Variants in TRIP11 observed in about 807,000 individuals in gnomAD.
The protein encoded by TRIP11 is thyroid hormone receptor interactor 11.
In TRIP11, 148 loss-of-function variants were observed where a neutral mutation model predicts 223.1. The observed-to-expected ratio is 0.66, with a 90% CI of 0.58 to 0.76. TRIP11 has a LOEUF of 0.76. Ranked by LOEUF, TRIP11 falls within the 30% of genes least tolerant of loss-of-function variation. The pLI is 0.00. For missense variants in TRIP11, 2,043 were observed against 2,222.0 expected (o/e 0.92, Z 1.62); for synonymous variants, 762 against 772.6 (o/e 0.99, Z 0.23).
rs149249223 is a variant in TRIP11 at position 91,984,914 on chromosome 14, A to G, written c.5260+3370T>C. 6.8e-3 allele frequency among the ~76,000 whole-genome samples: 1,031 copies of G among 152,322 alleles called. 11 individuals are homozygous for G. Among genetic ancestry groups the G allele is most frequent in the African/African-American group, 0.023 (966 of 41,562 alleles). The stretch of plus-strand genomic sequence containing the variant: ...AAGAACACTTTCAGGTAAAATGCTG[A>G]AAGAATAATTTTTTAAAAGGAAGGA... On this transcript the variant is annotated intron_variant, in intron 16 of 20. Transcript: ENST00000267622.
rs558545254 is a variant in TRIP11, at chr14:91,988,471, C to T, written c.5161-88G>A. ...AGAGACATCTTAGAGTCAACCTCTA[C>T]ATTTCAGCTGGTGAAGCTGCACCTC... is the stretch of plus-strand genomic sequence containing the variant. On this transcript the variant is annotated intron_variant, in intron 15 of 20. Transcript: ENST00000267622. The T allele has an allele frequency of 3.1e-5, 36 of 1,160,842 alleles. No homozygotes were observed. In the South Asian group the frequency reaches 4.3e-4, roughly 14 times the overall value. 71.9% of individuals were successfully genotyped at this position (1,160,842 alleles called of 1,614,324 possible).
chr14:91,969,837 G>A lies in TRIP11; in HGVS notation c.5776C>T (p.Arg1926Cys), dbSNP rs201962758. Residue 1926 changes from arginine (R) to cysteine (C), a missense_variant, in exon 21 of 21, where the codon CGC becomes TGC. Arg to Cys is a radical substitution (Grantham distance 180). Transcript: ENST00000267622. ...TTAATAAGAGGTACAGCTGCCGAGC[G>A]AGGAGCCAAAAACGGATTTACATCT... ...RTDVNPFLAP[R>C]SAAVPLINPA... is the part of the protein sequence containing the mutation. 27 of 1,614,210 alleles carry A rather than the reference G, an allele frequency of 1.7e-5. No individual in the cohort carries two copies. Among genetic ancestry groups the A allele is most frequent in the East Asian group, 4.5e-5 (2 of 44,876 alleles).
rs2056887984 is a variant in TRIP11 at position 92,005,514 on chromosome 14, T to G, written c.2462A>C (p.Lys821Thr). 2 of 1,612,318 alleles carry G rather than the reference T, an allele frequency of 1.2e-6. No homozygotes were observed. Among genetic ancestry groups the G allele is most frequent in the East Asian group, 4.5e-5 (2 of 44,880 alleles). Residue 821 changes from lysine (K) to threonine (T), a missense_variant, in exon 11 of 21, where the codon AAA becomes ACA. Coordinates refer to ENST00000267622, the MANE Select transcript of TRIP11 (RefSeq NM_004239.4). ...CTCCTGCAGCTTTGAACTTCTTTCT[T>G]TAAGCTTTTCAATAAAAATTTCTTT... ...NKKEIFIEKL[K>T]ERSSKLQEEL...
chr14:92,007,614 C>T (rs1375820826), intron 10 of TRIP11, 26 bp downstream of exon 10: 9 of 1,599,540 alleles, frequency 5.6e-6, no homozygotes, highest in Non-Finnish European at 7.7e-6. Context: ...GAATGTGCTG[C>T]CTTACTGTAT....
chr14:92,029,134 T>G (rs1321607844), intron 2 of TRIP11, among the ~76,000 whole-genome samples: 1 of 152,128 alleles, frequency 6.6e-6, no homozygotes, highest in African/African-American at 2.4e-5. Context: ...TTTACTATCA[T>G]GGGAATTTTA....
In TRIP11 at chr14:92,037,236, G is replaced by T. The variant is rs372627216; in HGVS notation, c.139+2311C>A. ...AGGAGCAAAAAAATTCAGTCCTCAC[G>T]CTGGGCATCAGGAAAACAGATAAAT... is the stretch of plus-strand genomic sequence containing the variant. On this transcript the variant is annotated intron_variant, in intron 1 of 20. Transcript: ENST00000267622. This position sits in a 1 kb window ranked among gnomAD's most constrained non-coding sequence, Gnocchi z 4.2. Among the ~76,000 whole-genome samples, 3 of 152,120 alleles carry T rather than the reference G, an allele frequency of 2.0e-5. No individual in the cohort carries two copies. The highest frequency in any genetic ancestry group is 2.9e-5 in the Non-Finnish European group (2 of 68,024).
intron 15 of TRIP11, among the ~76,000 whole-genome samples, chr14:91,989,443 A>G (rs2056646097): frequency 6.6e-6 from 1 of 150,998 alleles, no homozygotes; most frequent in Non-Finnish European, 1.5e-5. Flanking sequence ...TCTCAAATAT[A>G]TCCTGGGCTC....
intron 17 of TRIP11, 21 bp downstream of exon 17, chr14:91,976,087 C>T (rs776029961): frequency 2.5e-6 from 4 of 1,606,814 alleles, no homozygotes; most frequent in East Asian, 2.2e-5. Flanking sequence ...AATATACAAA[C>T]ATTAAAAGCA....
intron 16 of TRIP11, among the ~76,000 whole-genome samples, chr14:91,979,506 G>A (rs2056510123): frequency 6.6e-6 from 1 of 152,144 alleles, no homozygotes; most frequent in Admixed American, 6.5e-5. Context: ...CAGAAAGGTA[G>A]AGTCAAAACA....
chr14:91,993,476 CAAAAAAAAAAA>C (rs59244424), intron 15 of TRIP11, among the ~76,000 whole-genome samples: 4 of 51,754 alleles, frequency 7.7e-5, no homozygotes, highest in East Asian at 1.1e-3. Context: ...AACTCGGTCT[CAAAAAAAAAAA>C]AAAAAAAAAA....
chr14:91,974,827 A>G (rs2056444222), intron 18 of TRIP11, 84 bp from the exon 19 acceptor site: 1 of 1,118,168 alleles, frequency 8.9e-7, no homozygotes, highest in South Asian at 1.4e-5. Flanking sequence ...AATTTCTGAT[A>G]GTTGTAAAGC....
At chr14:91,970,123 G>A (rs1318837094) in intron 20 of TRIP11, among the ~76,000 whole-genome samples, 3 of 152,024 alleles carry the variant, frequency 2.0e-5, no homozygotes, top group South Asian at 2.1e-4. Flanking sequence ...AAATGAAAAC[G>A]CAGCCAGGCG....
rs867051404 is a variant in TRIP11, at chr14:92,033,173, A to T, written c.201+19T>A. 1.2e-6 allele frequency: 2 copies of T among 1,601,714 alleles called. No individual in the cohort carries two copies. Among genetic ancestry groups the T allele is most frequent in the South Asian group, 2.2e-5 (2 of 90,628 alleles). The stretch of plus-strand genomic sequence containing the variant: ...GACTTCAAAAAAGAAAAATCTAAGT[A>T]GTCTTTGATTTTTCTTACCTCTGAT... On this transcript the variant is annotated intron_variant, in intron 2 of 20. Transcript: ENST00000267622.
intron 2 of TRIP11, among the ~76,000 whole-genome samples, chr14:92,031,418 T>A (rs2057264037): frequency 1.3e-5 from 2 of 152,078 alleles, no homozygotes; most frequent in Admixed American, 1.3e-4. Context: ...TACAAAAAAA[T>A]CTTTAAAAAT....
intron 2 of TRIP11, among the ~76,000 whole-genome samples, chr14:92,029,800 C>T (rs949768702): frequency 6.6e-6 from 1 of 152,198 alleles, no homozygotes; most frequent in African/African-American, 2.4e-5. Context: ...AGACAGAAAG[C>T]AGCATCCTAG....
At chr14:91,984,319 T>TTC (rs1555384288) in intron 16 of TRIP11, among the ~76,000 whole-genome samples, 1 of 71,864 alleles carries the variant, frequency 1.4e-5, no homozygotes, top group Admixed American at 1.1e-4. Context: ...TTTCTTTTCT[T>TTC]TTTTTTTTTT....
At position 92,014,415 on chromosome 14, in the gene TRIP11, CT is replaced by C. The variant is rs1566866000; in HGVS notation, c.985del (p.Arg329GlufsTer4). The C allele has an allele frequency of 1.2e-6, 2 of 1,611,228 alleles. No homozygotes were observed. Among genetic ancestry groups the C allele is most frequent in the Non-Finnish European group, 1.7e-6 (2 of 1,178,662 alleles). ...TTCTTGTTCTCTCCTCAAAATATCT[CT>C]GTCATTTTCTGCAGAAGATAATTTT... The part of the protein sequence containing the change: ...NKKLSSAEND[R>X]DILRREQEQL... On this transcript the variant is annotated frameshift_variant, in exon 7 of 21. Transcript: ENST00000267622. LOFTEE classifies it high-confidence loss of function.
At chr14:92,017,775 A>G in intron 4 of TRIP11, 25 bp from the exon 5 acceptor site, 1 of 1,585,884 alleles carries the variant, frequency 6.3e-7, no homozygotes, top group Non-Finnish European at 8.6e-7. Flanking sequence ...GAGAATTAGT[A>G]AATAATTATA....
At chr14:91,972,980 T>C in intron 19 of TRIP11, 119 bp from the exon 20 acceptor site, 2 of 808,102 alleles carry the variant, frequency 2.5e-6, no homozygotes, top group East Asian at 3.1e-5. Context: ...ACTTGAATAA[T>C]TTTTTTTTAC....
Sources: gnomAD v4.1 joint callset for allele counts (sites outside exome capture counted in the v4.1 genomes callset) on GRCh38, gnomAD v4.1.1 for gene constraint, Gnocchi (gnomAD v3.1) non-coding constraint, MANE v1.5 for transcripts, NCBI Gene and HGNC (gene_info 2026-07-23, HGNC 2026-07-21) for gene names.